The following KDM4B variants were observed in gnomAD, a reference collection of about 807,000 sequenced individuals.
KDM4B encodes the protein lysine-specific demethylase 4B.
A neutral mutation model predicts 125.2 loss-of-function variants in KDM4B; 32 were observed. That is an observed-to-expected ratio of 0.26 (90% CI 0.19 to 0.34). KDM4B has a LOEUF of 0.34. Among genes scored for constraint, KDM4B ranks in the 10% least tolerant of loss-of-function variants. The pLI is 1.00. For synonymous variants in KDM4B, 721 were observed against 677.9 expected (o/e 1.06, Z -0.99); for missense variants, 1,190 against 1,577.7 (o/e 0.75, Z 4.16).
chr19:5,116,351 C>T (rs2146004982), intron 10 of KDM4B, among the ~76,000 whole-genome samples: 1 of 151,074 alleles, frequency 6.6e-6, no homozygotes, highest in South Asian at 2.1e-4. Context: ...CTTCAAAAGT[C>T]AGAAGAGGAA....
intron 9 of KDM4B, among the ~76,000 whole-genome samples, chr19:5,086,525 G>A (rs1429282284): frequency 6.6e-6 from 1 of 152,220 alleles, no homozygotes; most frequent in East Asian, 1.9e-4. Flanking sequence ...GCTTCGCCCC[G>A]CGGAGTTGAG....
intron 9 of KDM4B, among the ~76,000 whole-genome samples, chr19:5,093,145 C>G (rs1485094950): frequency 1.3e-5 from 2 of 152,200 alleles, no homozygotes; most frequent in African/African-American, 4.8e-5. Flanking sequence ...TGTTGAGGCC[C>G]CTTCAGGGCA....
chr19:4,973,682 G>C (rs1568197917), intron 1 of KDM4B, among the ~76,000 whole-genome samples: 1 of 152,188 alleles, frequency 6.6e-6, no homozygotes, highest in Non-Finnish European at 1.5e-5. Flanking sequence ...GACTTGGTTA[G>C]ATCTGGGTCC....
At chr19:5,077,507 G>A (rs759217111) in intron 8 of KDM4B, 37 bp downstream of exon 8, 1 of 1,572,830 alleles carries the variant, frequency 6.4e-7, no homozygotes, top group Admixed American at 1.7e-5. Context: ...TGTGGGTGAA[G>A]TGGGTACCGG....
chr19:5,071,641 A>T (rs1258658499), intron 7 of KDM4B, among the ~76,000 whole-genome samples: 1 of 152,234 alleles, frequency 6.6e-6, no homozygotes, highest in Non-Finnish European at 1.5e-5. Flanking sequence ...GGGTCCCAGC[A>T]TGTGCCTGAG....
Position 5,082,164 on chromosome 19 carries a change from G to T in KDM4B, c.781-203G>T, listed in dbSNP as rs1178854699. Among the ~76,000 whole-genome samples the T allele has an allele frequency of 2.0e-5, 3 of 152,346 alleles. No homozygotes were observed. Among genetic ancestry groups the T allele is most frequent in the Non-Finnish European group, 4.4e-5 (3 of 68,020 alleles). ...TGGAGGTTGCAGAGCTGTGGCTGCG[G>T]CTGCTCACTATGTCCTTCATGAGCC... On this transcript the variant is annotated intron_variant, in intron 8 of 22. Transcript: ENST00000159111. The surrounding 1 kb of genome is among the most constrained non-coding windows in gnomAD (Gnocchi z 5.4).
intron 9 of KDM4B, among the ~76,000 whole-genome samples, chr19:5,100,372 C>T (rs1599184159): frequency 1.3e-5 from 2 of 152,216 alleles, no homozygotes; most frequent in African/African-American, 2.4e-5. Flanking sequence ...CTTTATCTTC[C>T]CCACCTCCGT....
At chr19:5,049,281 C>A (rs2037143369) in intron 6 of KDM4B, among the ~76,000 whole-genome samples, 1 of 152,120 alleles carries the variant, frequency 6.6e-6, no homozygotes, top group South Asian at 2.1e-4. Context: ...TCCCCGAATG[C>A]CCCTCACTGC....
rs575433578 is a variant in KDM4B at position 5,150,244 on chromosome 19, A to G, written c.3022-114A>G. 7.3e-4 allele frequency: 519 copies of G among 713,162 alleles called. 2 individuals are homozygous for G. The East Asian group carries it at 0.013, about 18-fold the overall frequency. The allele number at this position is 713,162 out of a possible 1,614,324, so 44.2% of individuals were successfully genotyped here. On this transcript the variant is annotated intron_variant, in intron 21 of 22. Coordinates refer to ENST00000159111, the MANE Select transcript of KDM4B (RefSeq NM_015015.3). ...TTCAGCTTGGCTGCATGTGGCCTCT[A>G]GCGGGCCCCATGCACCCAAGGGGGC...
In KDM4B at chr19:5,114,311, C is replaced by A; in HGVS notation, c.1115+3493C>A. The stretch of plus-strand genomic sequence containing the variant: ...TCTGTGAGCCCGGCTGGGCCCAGGC[C>A]TCGTCTCCCCTACCCCTCCGAGCTC... On this transcript the variant is annotated intron_variant, in intron 10 of 22. Coordinates refer to ENST00000159111, the MANE Select transcript of KDM4B (RefSeq NM_015015.3). This position sits in a 1 kb window ranked among gnomAD's most constrained non-coding sequence, Gnocchi z 5.8. 9.4e-7 allele frequency: 1 copy of A among 1,060,934 alleles called. No individual in the cohort carries two copies. The highest frequency in any genetic ancestry group is 1.3e-6 in the Non-Finnish European group (1 of 779,728). The allele number at this position is 1,060,934 out of a possible 1,614,324, so 65.7% of individuals were successfully genotyped here.
In KDM4B at chr19:5,149,280, C is replaced by T. The variant is rs185821529; in HGVS notation, c.3022-1078C>T. On this transcript the variant is annotated intron_variant, in intron 21 of 22. Coordinates refer to ENST00000159111, the MANE Select transcript of KDM4B (RefSeq NM_015015.3). ...TTACTGTGTGACTTTTATACACTTC[C>T]GTCATGGTCTTAGTGTGTGACTTTT... is the stretch of plus-strand genomic sequence containing the variant. Among the ~76,000 whole-genome samples, 10 of 152,350 alleles carry T rather than the reference C, an allele frequency of 6.6e-5. No individual in the cohort carries two copies. In the East Asian group the frequency reaches 1.7e-3, roughly 26 times the overall value.
At chr19:4,994,020 G>GTTTTTTTTTTTTTTTTTTTTGTTTT (rs2035113819) in intron 1 of KDM4B, among the ~76,000 whole-genome samples, 1 of 66,708 alleles carries the variant, frequency 1.5e-5, no homozygotes, top group Non-Finnish European at 2.7e-5. Context: ...TTTTCAGCCT[G>GTTTTTTTTTTTTTTTTTTTTGTTTT]TTTTTTTTTT....
At position 5,039,883 on chromosome 19, in the gene KDM4B, C is replaced by T. The variant is rs915242955; in HGVS notation, c.189C>T (p.Ile63=). 1.2e-5 allele frequency: 19 copies of T among 1,612,854 alleles called. No individual in the cohort carries two copies. Among genetic ancestry groups the T allele is most frequent in the African/African-American group, 6.7e-5 (5 of 74,908 alleles). ...EWKPRQTYDD[I]DDVVIPAPIQ... ...AGCCGCGGCAGACGTATGATGACAT[C>T]GACGACGTGGTGATCCCGGCGCCCA... The change falls in exon 4 of 23, where the codon ATC becomes ATT. Residue 63 remains isoleucine (I), a synonymous_variant. Transcript: ENST00000159111.
chr19:5,033,499 G>A (rs2036523380), intron 3 of KDM4B, among the ~76,000 whole-genome samples: 1 of 152,146 alleles, frequency 6.6e-6, no homozygotes, highest in African/African-American at 2.4e-5. Flanking sequence ...AGGATTGCTT[G>A]AGCCCAGGAA....
At chr19:4,973,274 C>T (rs537973210) in intron 1 of KDM4B, among the ~76,000 whole-genome samples, 17 of 152,250 alleles carry the variant, frequency 1.1e-4, no homozygotes, top group South Asian at 8.3e-4. Flanking sequence ...CTGCAACCTC[C>T]GCCTCCCGGG....
chr19:5,012,242 A>T (rs1191467034), intron 1 of KDM4B, among the ~76,000 whole-genome samples: 1 of 151,992 alleles, frequency 6.6e-6, no homozygotes, highest in Non-Finnish European at 1.5e-5. Context: ...CTTTTGGAGC[A>T]GTTTTAGATT....
At position 5,071,130 on chromosome 19, in the gene KDM4B, G is replaced by A. The variant is rs996412386; in HGVS notation, c.676+71G>A. 33 of 1,445,010 alleles carry A rather than the reference G, an allele frequency of 2.3e-5. No homozygotes were observed. The East Asian group carries it at 6.5e-4, about 28-fold the overall frequency. 89.5% of individuals were successfully genotyped at this position (1,445,010 alleles called of 1,614,324 possible). On this transcript the variant is annotated intron_variant, in intron 7 of 22. Coordinates refer to ENST00000159111, the MANE Select transcript of KDM4B (RefSeq NM_015015.3). ...AGGGGCCTGTGGGTGGGGAAGGGCA[G>A]CTGGCGTCCCCCGGGCTCTGCTGCG...
intron 11 of KDM4B, among the ~76,000 whole-genome samples, chr19:5,122,654 C>T (rs1284831447): frequency 6.6e-6 from 1 of 152,168 alleles, no homozygotes; most frequent in Non-Finnish European, 1.5e-5. Flanking sequence ...GAAGACAAGC[C>T]GATAAGTAGG....
intron 9 of KDM4B, among the ~76,000 whole-genome samples, chr19:5,099,022 A>G (rs948127380): frequency 7.9e-5 from 12 of 152,220 alleles, no homozygotes; most frequent in Non-Finnish European, 1.5e-4. Flanking sequence ...CTGAGCCTTT[A>G]GTTGCTGCTT....
Sources: allele counts gnomAD v4.1 joint callset (sites outside exome capture counted in the v4.1 genomes callset), GRCh38; gene constraint gnomAD v4.1.1; non-coding constraint Gnocchi (gnomAD v3.1); transcripts MANE v1.5; gene names NCBI Gene and HGNC (gene_info 2026-07-23, HGNC 2026-07-21).